ANO2: variants seen among roughly 807,000 people sequenced by gnomAD.
ANO2 encodes anoctamin 2.
Under a neutral mutation model 124.2 loss-of-function variants are expected in ANO2, and 101 were observed. That is an observed-to-expected ratio of 0.81 (90% CI 0.69 to 0.96). The LOEUF (loss-of-function observed/expected upper bound fraction) is 0.96. Among genes scored for constraint, ANO2 ranks in the 40% least tolerant of loss-of-function variants. The pLI, the probability that ANO2 is intolerant of heterozygous loss-of-function variation, is 0.00. For synonymous variants in ANO2, 486 were observed against 482.5 expected, an observed-to-expected ratio of 1.01 and a Z score of -0.09; for missense variants, 1,293 against 1,274.5, an observed-to-expected ratio of 1.01 and a Z score of -0.22.
At chr12:5,825,261 T>G (rs977535486) in intron 7 of ANO2, among the ~76,000 whole-genome samples, 1 of 152,218 alleles carries the variant, frequency 6.6e-6, no homozygotes, top group Non-Finnish European at 1.5e-5. Flanking sequence ...AATGGTGGAA[T>G]GGCCTTTTGA....
intron 19 of ANO2, among the ~76,000 whole-genome samples, chr12:5,607,041 AC>A (rs1944253601): frequency 2.0e-5 from 3 of 148,584 alleles, no homozygotes; most frequent in South Asian, 2.2e-4. Flanking sequence ...CACCCATCTA[AC>A]CCCCCAGACT....
chr12:5,927,277 A>C (rs543417577), intron 1 of ANO2, among the ~76,000 whole-genome samples: 1 of 152,172 alleles, frequency 6.6e-6, no homozygotes, highest in Non-Finnish European at 1.5e-5. Context: ...TGGCTGTTTC[A>C]TATCAGTGGC....
intron 14 of ANO2, among the ~76,000 whole-genome samples, chr12:5,684,056 C>T (rs1948607147): frequency 6.6e-6 from 1 of 152,176 alleles, no homozygotes; most frequent in Non-Finnish European, 1.5e-5. Context: ...AATCCACTTC[C>T]CTCCCTACCA....
At chr12:5,718,522 GTA>G (rs1229201966) in intron 14 of ANO2, among the ~76,000 whole-genome samples, 1 of 152,232 alleles carries the variant, frequency 6.6e-6, no homozygotes, top group Non-Finnish European at 1.5e-5. Context: ...CAGTCGAGTA[GTA>G]GAAAGAACAA....
At chr12:5,832,938 A>G (rs1954201740) in intron 4 of ANO2, among the ~76,000 whole-genome samples, 2 of 152,178 alleles carry the variant, frequency 1.3e-5, no homozygotes, top group Non-Finnish European at 2.9e-5. Context: ...AATTAACTCC[A>G]ATGCTTACAG....
chr12:5,878,031 G>A (rs1232567123), intron 3 of ANO2, among the ~76,000 whole-genome samples: 2 of 152,222 alleles, frequency 1.3e-5, no homozygotes, highest in Non-Finnish European at 2.9e-5. Flanking sequence ...TACCTATGCA[G>A]CACTAAGAGT....
intron 11 of ANO2, among the ~76,000 whole-genome samples, chr12:5,750,251 G>C (rs1418768916): frequency 1.3e-5 from 2 of 152,108 alleles, no homozygotes; most frequent in African/African-American, 4.8e-5. Flanking sequence ...TCCTTTGTGG[G>C]TTCTCTCTTC....
intron 16 of ANO2, among the ~76,000 whole-genome samples, chr12:5,621,871 G>T (rs1464663892): frequency 6.6e-6 from 1 of 151,976 alleles, no homozygotes; most frequent in African/African-American, 2.4e-5. Flanking sequence ...GAGGGAGGAG[G>T]GATGAAAGGA....
chr12:5,913,507 T>C (rs1263824024), intron 3 of ANO2, among the ~76,000 whole-genome samples: 1 of 152,210 alleles, frequency 6.6e-6, no homozygotes, highest in African/African-American at 2.4e-5. Context: ...TTTGAATACG[T>C]AACTGCTGAC....
chr12:5,835,357 C>T (rs1954283584), intron 4 of ANO2, among the ~76,000 whole-genome samples: 1 of 152,104 alleles, frequency 6.6e-6, no homozygotes, highest in Non-Finnish European at 1.5e-5. Flanking sequence ...AGATCTGCTA[C>T]ACAAGGCAGT....
In ANO2 at chr12:5,746,202, G is replaced by A. The variant is rs572982242; in HGVS notation, c.1191-1885C>T. Among the ~76,000 whole-genome samples, 15 of 152,308 alleles carry A rather than the reference G, an allele frequency of 9.8e-5. No homozygotes were observed. In the East Asian group the frequency reaches 1.7e-3, roughly 18 times the overall value. On this transcript the variant is annotated intron_variant, in intron 11 of 24. Coordinates refer to ENST00000682330, the MANE Select transcript of ANO2 (RefSeq NM_001364791.2). ...TGCTAAAAGGTCAGGAATGAAAAAC[G>A]TATTAGCAGCCAAGCGGGTGCAAAG...
At chr12:5,714,061 C>T (rs1296456876) in intron 14 of ANO2, among the ~76,000 whole-genome samples, 1 of 152,224 alleles carries the variant, frequency 6.6e-6, no homozygotes, top group Admixed American at 6.5e-5. Flanking sequence ...CGCTTCTCCT[C>T]GGCCTGCCTA....
At chr12:5,770,098 T>C (rs1267243023) in intron 10 of ANO2, among the ~76,000 whole-genome samples, 1 of 152,202 alleles carries the variant, frequency 6.6e-6, no homozygotes, top group Non-Finnish European at 1.5e-5. Flanking sequence ...CTCTAATCTG[T>C]TGAGGGAGAA....
intron 12 of ANO2, among the ~76,000 whole-genome samples, chr12:5,742,126 C>T (rs933312832): frequency 6.6e-6 from 1 of 152,160 alleles, no homozygotes; most frequent in East Asian, 1.9e-4. Flanking sequence ...CCTGACTCCA[C>T]ACCGCCCCTT....
chr12:5,818,447 T>TTATATATATATATATATA (rs57443240), intron 7 of ANO2, among the ~76,000 whole-genome samples: 2 of 82,938 alleles, frequency 2.4e-5, no homozygotes, highest in African/African-American at 4.0e-5. Flanking sequence ...TAAACTCATA[T>TTATATATATATATATATA]TATATATATA....
chr12:5,783,518 T>G (rs184054915), intron 10 of ANO2, among the ~76,000 whole-genome samples: 4 of 152,226 alleles, frequency 2.6e-5, no homozygotes, highest in Non-Finnish European at 5.9e-5. Flanking sequence ...GGAAGTATCA[T>G]GGCAAATTGC....
At chr12:5,920,485 C>A (rs1941636130) in intron 3 of ANO2, among the ~76,000 whole-genome samples, 1 of 152,158 alleles carries the variant, frequency 6.6e-6, no homozygotes, top group African/African-American at 2.4e-5. Flanking sequence ...GATTGGCACA[C>A]CACCACCCCA....
chr12:5,863,459 A>T (rs891440651), intron 3 of ANO2, among the ~76,000 whole-genome samples: 2 of 152,212 alleles, frequency 1.3e-5, no homozygotes, highest in Non-Finnish European at 2.9e-5. Context: ...TCTGTCACTT[A>T]CCAGCTGCAC....
At chr12:5,616,758 T>C (rs1388872738) in intron 16 of ANO2, among the ~76,000 whole-genome samples, 6 of 152,146 alleles carry the variant, frequency 3.9e-5, no homozygotes, top group Admixed American at 6.5e-5. Flanking sequence ...TACCCTTCCC[T>C]CACCCATCAC....
Sources: allele counts gnomAD v4.1 joint callset (sites outside exome capture counted in the v4.1 genomes callset), GRCh38; gene constraint gnomAD v4.1.1; transcripts MANE v1.5; gene names NCBI Gene and HGNC (gene_info 2026-07-23, HGNC 2026-07-21).